TRPM7: variants seen among roughly 807,000 people sequenced by gnomAD.
TRPM7 encodes the protein LTRPC ion channel family member 7.
A neutral mutation model predicts 229.7 loss-of-function variants in TRPM7; 134 were observed. The ratio of observed to expected loss-of-function variants is 0.58; its 90% confidence interval spans 0.51 to 0.67. The LOEUF is 0.67. TRPM7 is among the 30% of genes least tolerant of loss of function. TRPM7 has a pLI of 0.00. For synonymous variants in TRPM7, 699 were observed against 715.2 expected, an observed-to-expected ratio of 0.98 and a Z score of 0.36; for missense variants, 1,901 against 2,210.0, an observed-to-expected ratio of 0.86 and a Z score of 2.80.
chr15:50,667,495 CAGG>C (rs2061910867), intron 1 of TRPM7, among the ~76,000 whole-genome samples: 1 of 152,186 alleles, frequency 6.6e-6, no homozygotes, highest in African/African-American at 2.4e-5. Context: ...CACTTGAGGC[CAGG>C]AGTTTTGAGA....
In TRPM7 at chr15:50,586,314, T is replaced by A. The variant is rs2059341490; in HGVS notation, c.4486+78A>T. The A allele has an allele frequency of 7.2e-6, 7 of 974,020 alleles. No individual in the cohort carries two copies. The South Asian group carries it at 1.0e-4, about 14-fold the overall frequency. The allele number at this position is 974,020 out of a possible 1,614,324, so 60.3% of individuals were successfully genotyped here. ...ACTCCTGCACCATTCACTGCTCATG[T>A]GTTTGACAAACATAAAATACATTTA... On this transcript the variant is annotated intron_variant, in intron 28 of 38. Transcript: ENST00000646667.
At chr15:50,610,537 C>A (rs1466209715) in intron 17 of TRPM7, among the ~76,000 whole-genome samples, 2 of 152,112 alleles carry the variant, frequency 1.3e-5, no homozygotes, top group African/African-American at 2.4e-5. Context: ...TCCTACATTT[C>A]TGCACCTTAT....
At position 50,607,215 on chromosome 15, in the gene TRPM7, A is replaced by C; in HGVS notation, c.2694T>G (p.Ile898Met). ...AAAGACATACCTCACGGACTTTCTC[A>C]ATGGCATAAGTAAAAATATAAGCAA... ...IVIAYIFTYA[I>M]EKVREIFMSE... Residue 898 changes from isoleucine (I) to methionine (M), a missense_variant, in exon 20 of 39, where the codon ATT (isoleucine) becomes ATG (methionine). Ile to Met is a conservative substitution (Grantham distance 10). This residue lies in a region of TRPM7 where 207 missense variants were observed against 241.5 expected (regional missense o/e 0.86). Coordinates refer to ENST00000646667, the MANE Select transcript of TRPM7 (RefSeq NM_017672.6). 6.2e-7 allele frequency: 1 copy of C among 1,609,764 alleles called. No individual in the cohort carries two copies. Among genetic ancestry groups the C allele is most frequent in the Non-Finnish European group, 8.5e-7 (1 of 1,178,494 alleles).
At chr15:50,570,178 G>A in intron 36 of TRPM7, 23 bp from the exon 37 acceptor site, 8 of 1,521,272 alleles carry the variant, frequency 5.3e-6, no homozygotes, top group Non-Finnish European at 7.2e-6. Context: ...ATATAAAAAA[G>A]ACAAATAATT....
At chr15:50,676,532 A>G (rs1046953579) in intron 1 of TRPM7, among the ~76,000 whole-genome samples, 51 of 152,180 alleles carry the variant, frequency 3.4e-4, no homozygotes, top group African/African-American at 1.2e-3. Flanking sequence ...CAGCCTGGTC[A>G]ACACAGCGAG....
chr15:50,612,979 C>G (rs1335741493), intron 15 of TRPM7, 150 bp from the exon 16 acceptor site: 2 of 717,164 alleles, frequency 2.8e-6, no homozygotes, highest in East Asian at 5.9e-5. Flanking sequence ...TTTATTATAG[C>G]TCATAATTCA....
At chr15:50,669,254 C>G (rs1445821065) in intron 1 of TRPM7, among the ~76,000 whole-genome samples, 1 of 151,920 alleles carries the variant, frequency 6.6e-6, no homozygotes, top group African/African-American at 2.4e-5. Flanking sequence ...CCAGCCTGGC[C>G]AAGACCTCAT....
intron 2 of TRPM7, among the ~76,000 whole-genome samples, chr15:50,661,049 T>C (rs182816782): frequency 6.9e-6 from 1 of 145,258 alleles, no homozygotes; most frequent in African/African-American, 2.6e-5. Context: ...GGATCTCAGC[T>C]CACTACAACC....
intron 26 of TRPM7, 73 bp from the exon 27 acceptor site, chr15:50,589,729 G>T: frequency 2.0e-6 from 2 of 988,202 alleles, no homozygotes; most frequent in Non-Finnish European, 3.1e-6. Flanking sequence ...ACTGCTTAAA[G>T]TTTATAAAAA....
At chr15:50,583,865 C>T (rs920661746) in intron 28 of TRPM7, among the ~76,000 whole-genome samples, 14 of 152,122 alleles carry the variant, frequency 9.2e-5, no homozygotes, top group Non-Finnish European at 1.9e-4. Flanking sequence ...TGAGCCACTG[C>T]GCCTAGCCAG....
rs562993504 is a variant in TRPM7, at chr15:50,619,222, T to C, written c.1494+523A>G. 2.7e-5 allele frequency among the ~76,000 whole-genome samples: 4 copies of C among 149,550 alleles called. No individual in the cohort carries two copies. The South Asian group carries it at 8.5e-4, about 32-fold the overall frequency. ...GACCAGAAGCTCAACAGCTTTTTTT[T>C]CTTTTTTTTTTTTTTTGAGACAGAG... On this transcript the variant is annotated intron_variant, in intron 13 of 38. Transcript: ENST00000646667.
chr15:50,569,951 A>G lies in TRPM7; in HGVS notation c.5403T>C (p.Asp1801=), dbSNP rs184526596. The G allele has an allele frequency of 2.5e-4, 400 of 1,612,564 alleles. No individual in the cohort carries two copies. Among genetic ancestry groups the G allele is most frequent in the Non-Finnish European group, 3.2e-4 (381 of 1,179,306 alleles). The change falls in exon 38 of 39, where the codon GAT becomes GAC. Residue 1801 remains aspartate (D), a synonymous_variant. Transcript: ENST00000646667. ...GTTTTGCTCTGAAGTTTTTAATTGC[A>G]TCTTCTCCTAGATTTGCTGGGCCAA... ...MVFGPANLGE[D]AIKNFRAKHH... is the part of the protein sequence containing the mutation.
At chr15:50,596,778 T>C (rs1207935783) in intron 22 of TRPM7, among the ~76,000 whole-genome samples, 1 of 152,020 alleles carries the variant, frequency 6.6e-6, no homozygotes, top group East Asian at 1.9e-4. Context: ...TGAGACGGAG[T>C]CTTGCTCTGT....
At chr15:50,613,948 C>T (rs2060140341) in intron 14 of TRPM7, 107 bp from the exon 15 acceptor site, 1 of 1,388,200 alleles carries the variant, frequency 7.2e-7, no homozygotes, top group Non-Finnish European at 9.8e-7. Flanking sequence ...TGTACACACA[C>T]AAAATATGAC....
intron 1 of TRPM7, among the ~76,000 whole-genome samples, chr15:50,685,863 CCTGA>C (rs779342997): frequency 1.5e-4 from 23 of 152,288 alleles, no homozygotes; most frequent in Admixed American, 3.9e-4. Context: ...CGACTTAAAT[CCTGA>C]CTGACAGTAC....
chr15:50,568,897 C>T (rs2053740129), intron 38 of TRPM7, among the ~76,000 whole-genome samples: 1 of 151,976 alleles, frequency 6.6e-6, no homozygotes, highest in African/African-American at 2.4e-5. Flanking sequence ...GTGGGAGGAT[C>T]ACTTGAGCCT....
At position 50,574,934 on chromosome 15, in the gene TRPM7, A is replaced by C. The variant is rs2054063149; in HGVS notation, c.4937T>G (p.Ile1646Ser). The stretch of plus-strand genomic sequence containing the variant: ...CACCTCTGGAAGAAAAGATTTGATA[A>C]TATAAAGATGCCCTGATTTGAGGAT... ...HDILKSGHLYIIKSFLPEVVN... is the reference protein window; with the variant it reads ...HDILKSGHLYSIKSFLPEVVN... The change falls in exon 34 of 39, where the codon ATT becomes AGT. Residue 1646 changes from isoleucine (I) to serine (S), a missense_variant. Coordinates refer to ENST00000646667, the MANE Select transcript of TRPM7 (RefSeq NM_017672.6). 6.2e-7 allele frequency: 1 copy of C among 1,614,114 alleles called. No homozygotes were observed. The highest frequency in any genetic ancestry group is 1.3e-5 in the African/African-American group (1 of 75,060).
Position 50,609,821 on chromosome 15 carries a change from T to C in TRPM7, c.2421A>G (p.Thr807=). 3 of 1,612,632 alleles carry C rather than the reference T, an allele frequency of 1.9e-6. No homozygotes were observed. Among genetic ancestry groups the C allele is most frequent in the South Asian group, 1.1e-5 (1 of 90,584 alleles). ...TCCTGCTTACCATGGGGATCTCTTC[T>C]GTTATGTTCTGAAAGTTGTTTTCGC... is the stretch of plus-strand genomic sequence containing the variant. ...DDSENNFQNI[T]EEIPMEVFKE... Residue 807 remains threonine (T), a synonymous_variant, in exon 18 of 39, where the codon ACA becomes ACG. Transcript: ENST00000646667.
intron 2 of TRPM7, among the ~76,000 whole-genome samples, chr15:50,661,210 C>T (rs8038881): frequency 0.03 from 4,503 of 152,094 alleles, 246 homozygotes; most frequent in African/African-American, 0.1. Flanking sequence ...CTCCTGACCT[C>T]GTGATCCGCC....
Sources: allele counts gnomAD v4.1 joint callset (sites outside exome capture counted in the v4.1 genomes callset), GRCh38; gene constraint gnomAD v4.1.1; regional missense constraint gnomAD v4.1.1; transcripts MANE v1.5; gene names NCBI Gene and HGNC (gene_info 2026-07-23, HGNC 2026-07-21).